Variants in VTI1A observed in about 807,000 individuals in gnomAD.
VTI1A encodes the protein vesicle transport through interaction with t-SNAREs 1A, also known as vesicle transport through interaction with t-SNAREs homolog 1A.
In VTI1A, 22 loss-of-function variants were observed where a neutral mutation model predicts 34.9. That is an observed-to-expected ratio of 0.63 (90% confidence interval 0.45 to 0.90). The LOEUF is 0.90. Ranked by LOEUF, VTI1A falls within the 40% of genes least tolerant of loss-of-function variation. The probability of loss-of-function intolerance (pLI) is 0.00; values close to 1 mark genes in which losing one functional copy is unlikely to be tolerated. For missense variants in VTI1A, 268 were observed against 275.6 expected, an observed-to-expected ratio of 0.97 and a Z score of 0.20; for synonymous variants, 87 against 97.3, an observed-to-expected ratio of 0.89 and a Z score of 0.62.
At chr10:112,547,470 T>G (rs961046360) in intron 5 of VTI1A, among the ~76,000 whole-genome samples, 2 of 151,970 alleles carry the variant, frequency 1.3e-5, no homozygotes, top group African/African-American at 2.4e-5. Context: ...CCCAGCTGCT[T>G]GGGAGGCTGA....
chr10:112,524,166 A>G (rs1850131856), intron 3 of VTI1A, among the ~76,000 whole-genome samples: 1 of 152,078 alleles, frequency 6.6e-6, no homozygotes, highest in Admixed American at 6.6e-5. Context: ...ATGATCTTGC[A>G]GGCTAAGTTA....
the VTI1A span, among the ~76,000 whole-genome samples, chr10:112,851,758 G>C: frequency 2.6e-5 from 4 of 152,172 alleles, no homozygotes; most frequent in Non-Finnish European, 1.5e-5. Context: ...ATTTGAACTT[G>C]AGAACTGTAG....
chr10:112,728,381 T>C (rs1234591728), intron 7 of VTI1A, among the ~76,000 whole-genome samples: 8 of 152,254 alleles, frequency 5.3e-5, no homozygotes, highest in African/African-American at 1.2e-4. Context: ...AACTTTGCTT[T>C]TTAACATCCC....
chr10:112,593,941 G>A (rs940122854), intron 5 of VTI1A, among the ~76,000 whole-genome samples: 11 of 150,044 alleles, frequency 7.3e-5, no homozygotes, highest in African/African-American at 1.5e-4. Flanking sequence ...ACGGAGTCTC[G>A]CTCTGTCACC....
intron 5 of VTI1A, among the ~76,000 whole-genome samples, chr10:112,643,855 A>G (rs946409088): frequency 1.3e-5 from 2 of 152,234 alleles, no homozygotes; most frequent in Non-Finnish European, 2.9e-5. Context: ...AAAGGCATAT[A>G]TGTAATTTTT....
chr10:112,705,985 T>C (rs187017094), intron 7 of VTI1A, among the ~76,000 whole-genome samples: 60 of 152,344 alleles, frequency 3.9e-4, no homozygotes, highest in East Asian at 2.9e-3. Context: ...CCACTGCTAA[T>C]CTACAGTTTA....
At chr10:112,740,331 C>A (rs1407852905) in intron 7 of VTI1A, among the ~76,000 whole-genome samples, 1 of 152,146 alleles carries the variant, frequency 6.6e-6, no homozygotes, top group Non-Finnish European at 1.5e-5. Flanking sequence ...GCGCTGTCAT[C>A]CAGGCTGGAG....
At chr10:112,684,893 C>G (rs887569328) in intron 7 of VTI1A, among the ~76,000 whole-genome samples, 1 of 152,146 alleles carries the variant, frequency 6.6e-6, no homozygotes, top group Non-Finnish European at 1.5e-5. Flanking sequence ...ATATATGTGA[C>G]ATACACATGT....
chr10:112,809,218 C>A (rs773264611), intron 7 of VTI1A, among the ~76,000 whole-genome samples: 2 of 152,238 alleles, frequency 1.3e-5, no homozygotes, highest in Non-Finnish European at 2.9e-5. Flanking sequence ...GTCCCCAGCT[C>A]TGAAAATAAC....
At chr10:112,714,606 A>G (rs1210248090) in intron 7 of VTI1A, among the ~76,000 whole-genome samples, 1 of 152,232 alleles carries the variant, frequency 6.6e-6, no homozygotes, top group Non-Finnish European at 1.5e-5. Context: ...TTAGGTAGTC[A>G]TCAGACCTGT....
At chr10:112,481,027 A>T (rs1039020136) in intron 3 of VTI1A, among the ~76,000 whole-genome samples, 1 of 152,180 alleles carries the variant, frequency 6.6e-6, no homozygotes, top group Non-Finnish European at 1.5e-5. Context: ...CTCATTTAGG[A>T]TTAGACGCTA....
In VTI1A at chr10:112,734,281, G is replaced by C. The variant is rs139501881; in HGVS notation, c.560+65283G>C. Among the ~76,000 whole-genome samples, 5 of 152,156 alleles carry C rather than the reference G, an allele frequency of 3.3e-5. No individual in the cohort carries two copies. The East Asian group carries it at 5.8e-4, about 18-fold the overall frequency. On this transcript the variant is annotated intron_variant, in intron 7 of 7. Coordinates refer to ENST00000393077, the MANE Select transcript of VTI1A (RefSeq NM_145206.4). The stretch of plus-strand genomic sequence containing the variant: ...CATCCCTCACCTGTATACCATGTCT[G>C]AGCCAAACACATTAGACTGTTCGGG...
chr10:112,477,724 G>A (rs557978688), intron 3 of VTI1A, among the ~76,000 whole-genome samples: 1 of 152,098 alleles, frequency 6.6e-6, no homozygotes, highest in African/African-American at 2.4e-5. Flanking sequence ...ACTGTATTTT[G>A]TACTTTAAAA....
intron 7 of VTI1A, among the ~76,000 whole-genome samples, chr10:112,769,390 G>A (rs1002228585): frequency 6.6e-6 from 1 of 152,178 alleles, no homozygotes; most frequent in Non-Finnish European, 1.5e-5. Context: ...AATCTGCAGG[G>A]TCTATTTACC....
rs965830825 is a variant in VTI1A, at chr10:112,572,711, G to A, written c.427+34381G>A. Among the ~76,000 whole-genome samples the A allele has an allele frequency of 8.0e-5, 12 of 150,858 alleles. No individual in the cohort carries two copies. The South Asian group carries it at 1.7e-3, about 21-fold the overall frequency. On this transcript the variant is annotated intron_variant, in intron 5 of 7. Coordinates refer to ENST00000393077, the MANE Select transcript of VTI1A (RefSeq NM_145206.4). Reference sequence around the variant, plus strand: ...AAATTAGCCGGGCGCGGTGGCGGGCGCCTGTAGTCCCAGCTACTCGGGAGG... The same window carrying A: ...AAATTAGCCGGGCGCGGTGGCGGGCACCTGTAGTCCCAGCTACTCGGGAGG...
intron 7 of VTI1A, among the ~76,000 whole-genome samples, chr10:112,811,873 C>A (rs1252317733): frequency 6.6e-6 from 1 of 152,088 alleles, no homozygotes; most frequent in African/African-American, 2.4e-5. Context: ...TTCTGTGATT[C>A]CGGCTGCCAC....
At chr10:112,629,570 T>G (rs1846056864) in intron 5 of VTI1A, among the ~76,000 whole-genome samples, 1 of 152,242 alleles carries the variant, frequency 6.6e-6, no homozygotes, top group Admixed American at 6.5e-5. Flanking sequence ...GCATGACCTT[T>G]GAGGAACGAG....
intron 5 of VTI1A, among the ~76,000 whole-genome samples, chr10:112,585,663 CTTTTTTTT>C (rs61436886): frequency 6.0e-5 from 7 of 117,298 alleles, no homozygotes; most frequent in African/African-American, 9.7e-5. Context: ...TTGTGGATTT[CTTTTTTTT>C]TTTTTTTTTT....
At chr10:112,751,957 C>T (rs1851122183) in intron 7 of VTI1A, among the ~76,000 whole-genome samples, 2 of 152,206 alleles carry the variant, frequency 1.3e-5, no homozygotes, top group South Asian at 4.1e-4. Flanking sequence ...CTAATAGCTA[C>T]AACTTACCTA....
Sources: gnomAD v4.1 joint callset for allele counts (sites outside exome capture counted in the v4.1 genomes callset) on GRCh38, gnomAD v4.1.1 for gene constraint, MANE v1.5 for transcripts, NCBI Gene and HGNC (gene_info 2026-07-23, HGNC 2026-07-21) for gene names.